Variants in USP34 observed in about 807,000 individuals in gnomAD.
The protein encoded by USP34 is ubiquitin carboxyl-terminal hydrolase 34.
USP34 carries 70 observed loss-of-function variants against 460.3 expected under a neutral mutation model. The observed-to-expected ratio is 0.15, with a 90% CI of 0.13 to 0.19. The LOEUF is 0.19. Ranked by LOEUF, USP34 falls within the 10% of genes least tolerant of loss-of-function variation. The pLI, the probability that USP34 is intolerant of heterozygous loss-of-function variation, is 1.00. For synonymous variants in USP34, 1,647 were observed against 1,405.3 expected (o/e 1.17, Z -3.85); for missense variants, 3,985 against 4,236.2 (o/e 0.94, Z 1.65).
chr2:61,253,086 T>C (rs546283696), intron 48 of USP34, among the ~76,000 whole-genome samples: 5 of 152,334 alleles, frequency 3.3e-5, no homozygotes, highest in South Asian at 4.1e-4. Flanking sequence ...TAGAACAGTA[T>C]ATGATCCTAT....
In USP34 at chr2:61,232,449, T is replaced by C; in HGVS notation, c.7113+3A>G. On this transcript the variant is annotated splice_donor_region_variant and intron_variant, in intron 58 of 79. Coordinates refer to ENST00000398571, the MANE Select transcript of USP34 (RefSeq NM_014709.4). ...AATTTTTTTCAAACATATTTTTCCT[T>C]ACCTGTCTCACAATTTGATTAGGGC... is the stretch of plus-strand genomic sequence containing the variant. The C allele has an allele frequency of 1.9e-6, 3 of 1,601,830 alleles. No individual in the cohort carries two copies. Among genetic ancestry groups the C allele is most frequent in the Non-Finnish European group, 2.6e-6 (3 of 1,174,996 alleles).
intron 41 of USP34, chr2:61,277,826 GT>G (rs1418206697): frequency 1.6e-5 from 3 of 189,420 alleles, no homozygotes; most frequent in East Asian, 2.8e-4. Context: ...CATGGCGGCG[GT>G]TTCCCCCATA....
At chr2:61,266,302 G>C (rs1689042346) in intron 41 of USP34, 135 bp from the exon 42 acceptor site, 1 of 793,850 alleles carries the variant, frequency 1.3e-6, no homozygotes, top group African/African-American at 1.7e-5. Flanking sequence ...ACCATCATCT[G>C]AAAGTCCTCC....
At chr2:61,394,637 G>A (rs1252268705) in intron 5 of USP34, among the ~76,000 whole-genome samples, 1 of 151,218 alleles carries the variant, frequency 6.6e-6, no homozygotes, top group Non-Finnish European at 1.5e-5. Flanking sequence ...AGATAGTCAT[G>A]ACCCCTTTTA....
At chr2:61,398,409 G>C (rs1473875689) in intron 3 of USP34, among the ~76,000 whole-genome samples, 1 of 143,092 alleles carries the variant, frequency 7.0e-6, no homozygotes, top group Non-Finnish European at 1.5e-5. Flanking sequence ...AAGAGAGGGA[G>C]AGAAGGGGGG....
intron 13 of USP34, 62 bp downstream of exon 13, chr2:61,349,188 C>G: frequency 1.3e-6 from 2 of 1,541,102 alleles, no homozygotes; most frequent in South Asian, 2.4e-5. Flanking sequence ...AATCAATGAA[C>G]TCTAGAAAAC....
chr2:61,459,477 A>C (rs1439290569), intron 1 of USP34, among the ~76,000 whole-genome samples: 1 of 152,178 alleles, frequency 6.6e-6, no homozygotes, highest in Non-Finnish European at 1.5e-5. Flanking sequence ...GGGCACAATT[A>C]AGATACTTGA....
At chr2:61,355,104 A>G (rs1309876921) in intron 10 of USP34, among the ~76,000 whole-genome samples, 1 of 152,220 alleles carries the variant, frequency 6.6e-6, no homozygotes, top group African/African-American at 2.4e-5. Flanking sequence ...ACCCAGCACG[A>G]ATATGCATTA....
chr2:61,378,548 A>G (rs2103857630), intron 7 of USP34, 124 bp from the exon 8 acceptor site: 1 of 557,366 alleles, frequency 1.8e-6, no homozygotes, highest in East Asian at 3.4e-5. Context: ...TAATATTATA[A>G]AATCTAAGAC....
chr2:61,456,559 G>A (rs1433215260), intron 1 of USP34, among the ~76,000 whole-genome samples: 1 of 152,150 alleles, frequency 6.6e-6, no homozygotes, highest in African/African-American at 2.4e-5. Flanking sequence ...GCTCACACTT[G>A]CAATCCCAGC....
At chr2:61,409,754 G>A (rs1489914211) in intron 2 of USP34, among the ~76,000 whole-genome samples, 1 of 151,916 alleles carries the variant, frequency 6.6e-6, no homozygotes, top group Non-Finnish European at 1.5e-5. Context: ...TAGAAAATGA[G>A]CATTAAACTG....
intron 32 of USP34, 142 bp downstream of exon 32, chr2:61,294,807 T>TA (rs1441562807): frequency 2.6e-5 from 19 of 719,864 alleles, no homozygotes; most frequent in Non-Finnish European, 4.3e-5. Flanking sequence ...TATTGCAACT[T>TA]AAAGTAATAC....
intron 33 of USP34, among the ~76,000 whole-genome samples, chr2:61,290,710 C>T (rs1007656473): frequency 1.3e-5 from 2 of 152,006 alleles, no homozygotes; most frequent in Admixed American, 6.6e-5. Context: ...GATGTTAGAG[C>T]GTTACATAAA....
At chr2:61,189,237 A>C in intron 78 of USP34, 168 bp from the exon 79 acceptor site, 1 of 638,202 alleles carries the variant, frequency 1.6e-6, no homozygotes, top group Non-Finnish European at 2.5e-6. Flanking sequence ...CAGTGTTAAG[A>C]TACTACAGCA....
chr2:61,349,112 A>G (rs1441647809), intron 13 of USP34, 138 bp downstream of exon 13: 1 of 1,112,808 alleles, frequency 9.0e-7, no homozygotes, highest in African/African-American at 1.6e-5. Flanking sequence ...GGTAACACGA[A>G]TATGTTAAAG....
rs747919801 is a variant in USP34 at position 61,328,815 on chromosome 2, G to A, written c.2930+2461C>T. Among the ~76,000 whole-genome samples, 9 of 152,204 alleles carry A rather than the reference G, an allele frequency of 5.9e-5. No homozygotes were observed. The East Asian group carries it at 7.7e-4, about 13-fold the overall frequency. On this transcript the variant is annotated intron_variant, in intron 20 of 79. Coordinates refer to ENST00000398571, the MANE Select transcript of USP34 (RefSeq NM_014709.4). The stretch of plus-strand genomic sequence containing the variant: ...ACTTAACGTTGGACTTTCTCTTTAC[G>A]AGGATGATTCACTTTATGACTTCCA...
Position 61,280,341 on chromosome 2 carries a change from T to C in USP34, c.5159A>G (p.Asp1720Gly). ...TTTTAATATTGGTTCTTCCTCATAA[T>C]CATCTATCTATTAAAAAAATTTTAT... ...AQALKPIRIDDYEEEPILKPG... is the reference protein window; with the variant it reads ...AQALKPIRIDGYEEEPILKPG... The change falls in exon 39 of 80, where the codon GAT (aspartate) becomes GGT (glycine). Residue 1720 changes from aspartate to glycine, a missense_variant. Coordinates refer to ENST00000398571, the MANE Select transcript of USP34 (RefSeq NM_014709.4). 2 of 1,487,838 alleles carry C rather than the reference T, an allele frequency of 1.3e-6. No individual in the cohort carries two copies. Among genetic ancestry groups the C allele is most frequent in the South Asian group, 1.4e-5 (1 of 69,220 alleles). 92.2% of individuals were successfully genotyped at this position (1,487,838 alleles called of 1,614,324 possible). A position where few individuals can be genotyped will look rare whatever the true frequency, so the allele number is the denominator to read the frequency against.
At chr2:61,222,335 A>G (rs1320344144) in intron 65 of USP34, among the ~76,000 whole-genome samples, 1 of 152,218 alleles carries the variant, frequency 6.6e-6, no homozygotes, top group Non-Finnish European at 1.5e-5. Flanking sequence ...CTTTGGGCAC[A>G]ATTAGGATAT....
At chr2:61,239,369 T>G (rs1688180261) in intron 53 of USP34, among the ~76,000 whole-genome samples, 1 of 139,038 alleles carries the variant, frequency 7.2e-6, no homozygotes, top group Non-Finnish European at 1.6e-5. Context: ...TGAGAACCAC[T>G]GATGTAAATA....
Sources: allele counts gnomAD v4.1 joint callset (sites outside exome capture counted in the v4.1 genomes callset), GRCh38; gene constraint gnomAD v4.1.1; transcripts MANE v1.5; gene names NCBI Gene and HGNC (gene_info 2026-07-23, HGNC 2026-07-21).